The following UBXN11 variants were observed in gnomAD, a reference collection of about 807,000 sequenced individuals.
UBXN11 encodes the protein UBX domain-containing protein 11.
In UBXN11, 47 loss-of-function variants were observed where a neutral mutation model predicts 62.8. The observed-to-expected ratio is 0.75, with a 90% CI of 0.59 to 0.95. The LOEUF (loss-of-function observed/expected upper bound fraction) is 0.95. Among genes scored for constraint, UBXN11 ranks in the 40% least tolerant of loss-of-function variants. The probability of loss-of-function intolerance (pLI) is 0.00; values close to 1 mark genes in which losing one functional copy is unlikely to be tolerated. For missense variants in UBXN11, 638 were observed against 661.7 expected (o/e 0.96, Z 0.39); for synonymous variants, 294 against 267.0 (o/e 1.10, Z -0.99).
At chr1:26,284,585 A>T in intron 10 of UBXN11, 103 bp from the exon 11 acceptor site, 1 of 1,442,098 alleles carries the variant, frequency 6.9e-7, no homozygotes, top group South Asian at 1.5e-5. Flanking sequence ...GTATGGTCTA[A>T]TGCAACCCCC....
At chr1:26,290,286 C>T (rs2073229121) in intron 8 of UBXN11, among the ~76,000 whole-genome samples, 4 of 152,172 alleles carry the variant, frequency 2.6e-5, no homozygotes, top group African/African-American at 7.2e-5. Context: ...ATTCAGTGGC[C>T]CTAGGAGCCC....
intron 1 of UBXN11, among the ~76,000 whole-genome samples, chr1:26,304,241 G>A (rs1179054053): frequency 6.6e-6 from 1 of 152,158 alleles, no homozygotes; most frequent in African/African-American, 2.4e-5. Context: ...CCCTCCTCAA[G>A]GATCAGGCCC....
In UBXN11 at chr1:26,284,655, C is replaced by G. The variant is rs189809421; in HGVS notation, c.853-173G>C. On this transcript the variant is annotated intron_variant, in intron 10 of 14. Coordinates refer to ENST00000374222, the MANE Select transcript of UBXN11 (RefSeq NM_001389556.1). ...GCCACGGTTCGTACTGCTGTCATCT[C>G]CCTCAGCCCTGCTGCTCCTGTAAGC... The G allele has an allele frequency of 2.6e-4, 352 of 1,374,136 alleles. 4 individuals carry two copies. In the East Asian group the frequency reaches 9.4e-3, roughly 37 times the overall value. 85.1% of individuals were successfully genotyped at this position (1,374,136 alleles called of 1,614,324 possible).
chr1:26,291,940 G>A lies in UBXN11; in HGVS notation c.559+2265C>T, dbSNP rs142935654. On this transcript the variant is annotated intron_variant, in intron 8 of 14. Transcript: ENST00000374222. Reference sequence around the variant, plus strand: ...CCCAAGTGTACTCAGCATCTTTCCCGCAGCTGTGCTCCCTCGGGTTATCCC... The same window carrying A: ...CCCAAGTGTACTCAGCATCTTTCCCACAGCTGTGCTCCCTCGGGTTATCCC... Among the ~76,000 whole-genome samples, 47 of 152,254 alleles carry A rather than the reference G, an allele frequency of 3.1e-4. 1 individual carries two copies. The East Asian group carries it at 7.1e-3, about 23-fold the overall frequency.
intron 1 of UBXN11, among the ~76,000 whole-genome samples, chr1:26,304,736 G>A (rs140320188): frequency 1.1e-3 from 170 of 152,208 alleles, no homozygotes; most frequent in African/African-American, 3.9e-3. Context: ...CTGGGTGACA[G>A]AGCAAGACTC....
At chr1:26,300,865 C>T (rs1337324574) in intron 4 of UBXN11, 61 bp downstream of exon 4, 2 of 1,612,534 alleles carry the variant, frequency 1.2e-6, no homozygotes, top group Non-Finnish European at 1.7e-6. Context: ...CTAGGCCTTG[C>T]CCCGTCTCTG....
At chr1:26,282,836 G>C (rs753948245) in intron 13 of UBXN11, 28 bp downstream of exon 13, 4 of 1,614,124 alleles carry the variant, frequency 2.5e-6, no homozygotes, top group Admixed American at 3.3e-5. Flanking sequence ...AACGCCCCCA[G>C]GCCCTCACCT....
chr1:26,301,056 G>A, intron 3 of UBXN11, 32 bp from the exon 4 acceptor site: 1 of 1,614,024 alleles, frequency 6.2e-7, no homozygotes, highest in South Asian at 1.1e-5. Context: ...TCACCGCTCT[G>A]GGGCGGAGAC....
At chr1:26,303,124 C>T (rs1371043228) in intron 1 of UBXN11, 3 of 437,234 alleles carry the variant, frequency 6.9e-6, no homozygotes, top group Non-Finnish European at 1.2e-5. Flanking sequence ...CGGCTTTCTG[C>T]TCTGAACTGA....
upstream of UBXN11, among the ~76,000 whole-genome samples, chr1:26,309,372 T>A (rs1341837090): frequency 9.2e-5 from 14 of 151,782 alleles, no homozygotes; most frequent in East Asian, 2.7e-3. Flanking sequence ...TCTGAGTAGC[T>A]GGGATTACAG....
upstream of UBXN11, among the ~76,000 whole-genome samples, chr1:26,310,399 G>C (rs1278548720): frequency 6.6e-6 from 1 of 152,138 alleles, no homozygotes; most frequent in African/African-American, 2.4e-5. Context: ...TCAGCCAGGT[G>C]TGGTGGCATG....
chr1:26,317,544 ACAAACTCATTTACGGAATATC>A (rs6143170), intron 1 of UBXN11, among the ~76,000 whole-genome samples: 22,212 of 152,192 alleles, frequency 0.15, 1,822 homozygotes, highest in African/African-American at 0.21. Flanking sequence ...TCTTTAAACA[ACAAACTCATTTACGGAATATC>A]TGCTATGTTC....
chr1:26,311,505 C>T (rs376422476), upstream of UBXN11, among the ~76,000 whole-genome samples: 4 of 150,750 alleles, frequency 2.7e-5, no homozygotes, highest in South Asian at 2.1e-4. Context: ...TGCAGTGGCG[C>T]GATCTTGGCT....
At chr1:26,288,646 TAGC>T (rs975936154) in intron 8 of UBXN11, among the ~76,000 whole-genome samples, 8 of 152,154 alleles carry the variant, frequency 5.3e-5, no homozygotes, top group South Asian at 2.1e-4. Context: ...TGCCCTGAGC[TAGC>T]AGCAGAACTC....
intron 7 of UBXN11, among the ~76,000 whole-genome samples, chr1:26,295,862 C>A (rs1299356497): frequency 6.6e-6 from 1 of 152,246 alleles, no homozygotes; most frequent in Non-Finnish European, 1.5e-5. Context: ...AGCAGATCCT[C>A]CAGATGAGGC....
chr1:26,311,140 CTT>C (rs58696772), upstream of UBXN11, among the ~76,000 whole-genome samples: 29 of 135,968 alleles, frequency 2.1e-4, no homozygotes, highest in South Asian at 2.3e-4. Context: ...AGTCTCTATT[CTT>C]TTTTTTTTTT....
chr1:26,298,491 T>C (rs1423614738), intron 4 of UBXN11, among the ~76,000 whole-genome samples: 1 of 152,004 alleles, frequency 6.6e-6, no homozygotes, highest in Non-Finnish European at 1.5e-5. Context: ...CGGGGTGCTG[T>C]AGAAAACAGT....
intron 7 of UBXN11, 111 bp from the exon 8 acceptor site, chr1:26,294,442 A>G: frequency 1.0e-5 from 15 of 1,471,750 alleles, no homozygotes; most frequent in Non-Finnish European, 1.4e-5. Flanking sequence ...GGGCCCCCAG[A>G]GCTGACCAGA....
intron 12 of UBXN11, among the ~76,000 whole-genome samples, chr1:26,283,148 C>T (rs761117013): frequency 6.6e-6 from 1 of 152,074 alleles, no homozygotes; most frequent in Non-Finnish European, 1.5e-5. Flanking sequence ...CAGGTAACCC[C>T]CCGTTTCAGT....
Sources: gnomAD v4.1 joint callset for allele counts (sites outside exome capture counted in the v4.1 genomes callset) on GRCh38, gnomAD v4.1.1 for gene constraint, MANE v1.5 for transcripts, NCBI Gene and HGNC (gene_info 2026-07-23, HGNC 2026-07-21) for gene names.